Variants in ATG7 observed in about 807,000 individuals in gnomAD.
The protein encoded by ATG7 is ubiquitin-like modifier-activating enzyme ATG7.
ATG7 carries 70 observed loss-of-function variants against 82.4 expected under a neutral mutation model. The ratio of observed to expected loss-of-function variants is 0.85; its 90% confidence interval spans 0.70 to 1.04. ATG7 has a LOEUF of 1.04. Among genes scored for constraint, ATG7 ranks in the 50% least tolerant of loss-of-function variants. The pLI is 0.00. For missense variants in ATG7, 792 were observed against 864.3 expected, an observed-to-expected ratio of 0.92 and a Z score of 1.05; for synonymous variants, 287 against 313.0, an observed-to-expected ratio of 0.92 and a Z score of 0.88.
At chr3:11,424,408 G>T (rs530429034) in intron 19 of ATG7, among the ~76,000 whole-genome samples, 17 of 152,018 alleles carry the variant, frequency 1.1e-4, no homozygotes, top group Admixed American at 2.6e-4. Flanking sequence ...GAACCCAGGA[G>T]GTTGAGGCTG....
At chr3:11,527,641 C>T (rs539452203) in intron 20 of ATG7, among the ~76,000 whole-genome samples, 1 of 152,232 alleles carries the variant, frequency 6.6e-6, no homozygotes, top group Admixed American at 6.5e-5. Flanking sequence ...ACAATGTATG[C>T]CCCACAATCA....
chr3:11,290,573 C>A (rs1345394855), intron 3 of ATG7: 2 of 357,394 alleles, frequency 5.6e-6, no homozygotes, highest in Non-Finnish European at 5.6e-6. Flanking sequence ...GTACTTCCAG[C>A]CAACCTCATG....
chr3:11,414,812 T>A (rs1481969486), intron 19 of ATG7, among the ~76,000 whole-genome samples: 1 of 152,268 alleles, frequency 6.6e-6, no homozygotes, highest in Non-Finnish European at 1.5e-5. Context: ...CACCTATTGA[T>A]ATGATGTGAT....
intron 19 of ATG7, among the ~76,000 whole-genome samples, chr3:11,384,407 C>T (rs984193776): frequency 2.0e-5 from 3 of 152,180 alleles, no homozygotes; most frequent in East Asian, 1.9e-4. Context: ...TAATAATACA[C>T]TCATTCTGGT....
intron 19 of ATG7, among the ~76,000 whole-genome samples, chr3:11,395,240 A>G (rs1287061589): frequency 1.3e-5 from 2 of 152,222 alleles, no homozygotes; most frequent in Non-Finnish European, 2.9e-5. Flanking sequence ...TGGAAAATAT[A>G]AAAAAGGTAG....
chr3:11,299,517 G>A (rs960325861), intron 5 of ATG7, 101 bp downstream of exon 5: 4 of 1,248,092 alleles, frequency 3.2e-6, no homozygotes, highest in Non-Finnish European at 4.6e-6. Flanking sequence ...GAGGACTAGG[G>A]AAGTTCCCGG....
At chr3:11,328,822 C>T (rs1438151610) in intron 9 of ATG7, among the ~76,000 whole-genome samples, 2 of 152,240 alleles carry the variant, frequency 1.3e-5, no homozygotes, top group Non-Finnish European at 2.9e-5. Flanking sequence ...CGCAGTGGCT[C>T]ATGCCTGTAA....
At chr3:11,356,840 C>G (rs1428062258) in intron 14 of ATG7, among the ~76,000 whole-genome samples, 3 of 152,104 alleles carry the variant, frequency 2.0e-5, no homozygotes, top group Non-Finnish European at 4.4e-5. Context: ...GTGCTAGTCT[C>G]ATTATTAAAA....
At chr3:11,460,192 C>T (rs2086169457) in intron 20 of ATG7, among the ~76,000 whole-genome samples, 1 of 152,226 alleles carries the variant, frequency 6.6e-6, no homozygotes, top group Non-Finnish European at 1.5e-5. Flanking sequence ...TTTAAGGTGG[C>T]TTCTTGAATG....
intron 11 of ATG7, among the ~76,000 whole-genome samples, chr3:11,336,373 C>T (rs1952493553): frequency 6.6e-6 from 1 of 152,110 alleles, no homozygotes; most frequent in South Asian, 2.1e-4. Context: ...CGTACATTTC[C>T]ATTTGAAAAA....
intron 20 of ATG7, among the ~76,000 whole-genome samples, chr3:11,494,486 A>G (rs889317793): frequency 3.8e-4 from 58 of 152,222 alleles, no homozygotes; most frequent in Admixed American, 3.1e-3. Flanking sequence ...GAAATCATAA[A>G]CATCGGTTCT....
the ATG7 span, among the ~76,000 whole-genome samples, chr3:11,572,552 C>A: frequency 2.2e-4 from 34 of 152,340 alleles, no homozygotes; most frequent in African/African-American, 7.9e-4. Context: ...CTCTCTTCGT[C>A]CCCTGGGGCA....
chr3:11,565,182 C>T, the ATG7 span, among the ~76,000 whole-genome samples: 2 of 152,166 alleles, frequency 1.3e-5, no homozygotes, highest in Non-Finnish European at 2.9e-5. This position sits in a 1 kb window ranked among gnomAD's most constrained non-coding sequence, Gnocchi z 4.1. Context: ...CCGGGTCAGC[C>T]GGACACCAAA....
the ATG7 span, among the ~76,000 whole-genome samples, chr3:11,571,634 T>C: frequency 6.6e-6 from 1 of 152,082 alleles, no homozygotes; most frequent in Non-Finnish European, 1.5e-5. Flanking sequence ...GCCACTGCAC[T>C]CCAGCCTGGG....
At chr3:11,531,723 G>T (rs1445236930) in intron 20 of ATG7, among the ~76,000 whole-genome samples, 1 of 152,046 alleles carries the variant, frequency 6.6e-6, no homozygotes, top group African/African-American at 2.4e-5. Flanking sequence ...AATTAGCCAG[G>T]CATGATGGCA....
At chr3:11,289,760 A>G (rs182814865) in intron 3 of ATG7, among the ~76,000 whole-genome samples, 113 of 152,214 alleles carry the variant, frequency 7.4e-4, no homozygotes, top group African/African-American at 2.7e-3. Context: ...GGGTCTCACC[A>G]TGTTGCCCAG....
At chr3:11,458,885 G>A (rs940360480) in intron 20 of ATG7, among the ~76,000 whole-genome samples, 1 of 152,162 alleles carries the variant, frequency 6.6e-6, no homozygotes, top group Non-Finnish European at 1.5e-5. Context: ...TCTGCCTCCT[G>A]TCAGATCAGC....
intron 11 of ATG7, among the ~76,000 whole-genome samples, chr3:11,335,949 G>A (rs1043978145): frequency 6.6e-6 from 1 of 151,412 alleles, no homozygotes; most frequent in Non-Finnish European, 1.5e-5. Flanking sequence ...CACCCGCCTC[G>A]GCCTCCCAAA....
intron 20 of ATG7, among the ~76,000 whole-genome samples, chr3:11,508,596 C>T (rs1249052288): frequency 6.6e-6 from 1 of 152,128 alleles, no homozygotes; most frequent in Non-Finnish European, 1.5e-5. Context: ...GCTGGTGTAC[C>T]ACCATGCCTG....
Sources: allele counts gnomAD v4.1 joint callset (sites outside exome capture counted in the v4.1 genomes callset), GRCh38; gene constraint gnomAD v4.1.1; non-coding constraint Gnocchi (gnomAD v3.1); transcripts MANE v1.5; gene names NCBI Gene and HGNC (gene_info 2026-07-23, HGNC 2026-07-21).